FAM163A: variants seen among roughly 807,000 people sequenced by gnomAD.
The protein encoded by FAM163A is family with sequence similarity 163 member A.
A neutral mutation model predicts 12.0 loss-of-function variants in FAM163A; 7 were observed. That is an observed-to-expected ratio of 0.58 (90% CI 0.33 to 1.10). The LOEUF is 1.10. Among genes scored for constraint, FAM163A ranks in the 50% least tolerant of loss-of-function variants. The pLI is 0.03. For missense variants in FAM163A, 202 were observed against 218.6 expected (o/e 0.92, Z 0.48); for synonymous variants, 101 against 91.0 (o/e 1.11, Z -0.62).
chr1:179,785,142 C>G (rs1690419029), intron 1 of FAM163A, among the ~76,000 whole-genome samples: 1 of 152,208 alleles, frequency 6.6e-6, no homozygotes, highest in Non-Finnish European at 1.5e-5. Flanking sequence ...GAGAACACAT[C>G]CAGCCTCCCC....
chr1:179,738,159 T>C, the FAM163A span, among the ~76,000 whole-genome samples: 1 of 152,174 alleles, frequency 6.6e-6, no homozygotes, highest in Admixed American at 6.5e-5. Flanking sequence ...AAAGTACAGC[T>C]AAGTAGAAGG....
chr1:179,775,067 C>G (rs1557928051), intron 1 of FAM163A, among the ~76,000 whole-genome samples: 1 of 152,158 alleles, frequency 6.6e-6, no homozygotes. Context: ...TGGGAGTTGG[C>G]CCAAGCAGCC....
chr1:179,791,790 A>G (rs1270584385), intron 1 of FAM163A, among the ~76,000 whole-genome samples: 1 of 152,208 alleles, frequency 6.6e-6, no homozygotes, highest in Non-Finnish European at 1.5e-5. Flanking sequence ...CGTAAAAGTC[A>G]TTCATTCCAA....
intron 1 of FAM163A, among the ~76,000 whole-genome samples, chr1:179,791,599 G>A (rs1030375197): frequency 5.9e-5 from 9 of 152,216 alleles, no homozygotes; most frequent in African/African-American, 1.2e-4. Context: ...TTCCCATGCC[G>A]CCACATTTCA....
rs991650470 is a variant in FAM163A at position 179,815,224 on chromosome 1, A to T, written c.*1035A>T. ...AGAGGAAAGGTCTCCCATGTACCAG[A>T]GAAGGAAAAGTCTGATCCCGAAACA... is the stretch of plus-strand genomic sequence containing the variant. On this transcript the variant is annotated 3_prime_UTR_variant, in exon 5 of 5. Coordinates refer to ENST00000341785, the MANE Select transcript of FAM163A (RefSeq NM_173509.3). 3 of 152,550 alleles carry T rather than the reference A, an allele frequency of 2.0e-5. No individual in the cohort carries two copies. The highest frequency in any genetic ancestry group is 7.2e-5 in the African/African-American group (3 of 41,422). 9.4% of individuals were successfully genotyped at this position (152,550 alleles called of 1,614,324 possible).
At chr1:179,793,686 G>A (rs1228278603) in intron 1 of FAM163A, among the ~76,000 whole-genome samples, 2 of 152,204 alleles carry the variant, frequency 1.3e-5, no homozygotes, top group Non-Finnish European at 2.9e-5. Flanking sequence ...TGATAGAACT[G>A]GGTGCTTTTC....
intron 1 of FAM163A, among the ~76,000 whole-genome samples, chr1:179,804,827 G>A (rs1196145553): frequency 6.6e-6 from 1 of 152,078 alleles, no homozygotes; most frequent in East Asian, 1.9e-4. Context: ...AGAGGAGGGA[G>A]GGGACAGAAA....
intron 1 of FAM163A, among the ~76,000 whole-genome samples, chr1:179,794,502 T>C (rs894751196): frequency 6.6e-6 from 1 of 152,194 alleles, no homozygotes; most frequent in African/African-American, 2.4e-5. Flanking sequence ...CTGGCATCTC[T>C]GTGGCATGCG....
chr1:179,783,869 T>C (rs1690211409), intron 1 of FAM163A, among the ~76,000 whole-genome samples: 1 of 146,746 alleles, frequency 6.8e-6, no homozygotes, highest in African/African-American at 2.6e-5. Context: ...TTATATAATT[T>C]AGTAAAAAAG....
At position 179,813,198 on chromosome 1, in the gene FAM163A, C is replaced by G. The variant is rs1694944503; in HGVS notation, c.93+8C>G. The G allele has an allele frequency of 6.4e-7, 1 of 1,551,036 alleles. No individual in the cohort carries two copies. Among genetic ancestry groups the G allele is most frequent in the African/African-American group, 1.4e-5 (1 of 73,162 alleles). ...TGCTACTGCAGGCTCCAGGTCAGTC[C>G]CCGGGACCCGTAGCCAGAGGCTGCC... On this transcript the variant is annotated splice_region_variant and intron_variant, in intron 4 of 4. Coordinates refer to ENST00000341785, the MANE Select transcript of FAM163A (RefSeq NM_173509.3).
At position 179,767,184 on chromosome 1, in the gene FAM163A, T is replaced by C. The variant is rs117848451; in HGVS notation, c.-136+23761T>C. On this transcript the variant is annotated intron_variant, in intron 1 of 4. Coordinates refer to ENST00000341785, the MANE Select transcript of FAM163A (RefSeq NM_173509.3). ...AGTACAGTGAATCTGCCTTCCACTC[T>C]CTGGCATGCTCAGATTCCAGAGAAA... Among the ~76,000 whole-genome samples, 169 of 152,232 alleles carry C rather than the reference T, an allele frequency of 1.1e-3. 2 individuals carry two copies. In the East Asian group the frequency reaches 0.023, roughly 21 times the overall value.
chr1:179,784,922 G>A (rs1437545663), intron 1 of FAM163A, among the ~76,000 whole-genome samples: 1 of 152,132 alleles, frequency 6.6e-6, no homozygotes, highest in Admixed American at 6.5e-5. Flanking sequence ...GGACTCTTCT[G>A]TTGCCTGGCT....
At chr1:179,744,320 A>G (rs1012942498) in intron 1 of FAM163A, among the ~76,000 whole-genome samples, 3 of 151,978 alleles carry the variant, frequency 2.0e-5, no homozygotes, top group South Asian at 4.1e-4. Flanking sequence ...CCCGCGGCCC[A>G]GAGGGGGGCC....
At chr1:179,795,008 A>C (rs975480958) in intron 1 of FAM163A, among the ~76,000 whole-genome samples, 2 of 152,100 alleles carry the variant, frequency 1.3e-5, no homozygotes, top group African/African-American at 4.8e-5. Context: ...AACCACCACC[A>C]CCTGCCAGCA....
At chr1:179,798,765 C>T (rs1237730457) in intron 1 of FAM163A, among the ~76,000 whole-genome samples, 2 of 152,186 alleles carry the variant, frequency 1.3e-5, no homozygotes, top group Non-Finnish European at 2.9e-5. Flanking sequence ...CCAAGCCTCC[C>T]TGCACGATGT....
chr1:179,737,496 G>A, the FAM163A span, among the ~76,000 whole-genome samples: 1 of 152,154 alleles, frequency 6.6e-6, no homozygotes, highest in Non-Finnish European at 1.5e-5. Context: ...TCAGAGGGTA[G>A]ATCTCATGTT....
chr1:179,774,630 A>G (rs1688700263), intron 1 of FAM163A, among the ~76,000 whole-genome samples: 1 of 152,196 alleles, frequency 6.6e-6, no homozygotes. Flanking sequence ...CTAGAGCAGA[A>G]GAGCAGGTGA....
chr1:179,785,324 A>T (rs1690448178), intron 1 of FAM163A, among the ~76,000 whole-genome samples: 1 of 152,224 alleles, frequency 6.6e-6, no homozygotes. Flanking sequence ...GGCATTTCTA[A>T]ACTGTGAGTG....
chr1:179,732,156 T>C, the FAM163A span, among the ~76,000 whole-genome samples: 1 of 152,248 alleles, frequency 6.6e-6, no homozygotes, highest in Non-Finnish European at 1.5e-5. Context: ...GACTTAAGGT[T>C]TTACAGCAAT....
Sources: gnomAD v4.1 joint callset for allele counts (sites outside exome capture counted in the v4.1 genomes callset) on GRCh38, gnomAD v4.1.1 for gene constraint, MANE v1.5 for transcripts, NCBI Gene and HGNC (gene_info 2026-07-23, HGNC 2026-07-21) for gene names.